TMED5: variants seen among roughly 807,000 people sequenced by gnomAD.
TMED5 encodes transmembrane emp24 domain-containing protein 5.
TMED5 carries 27 observed loss-of-function variants against 23.0 expected under a neutral mutation model. That is an observed-to-expected ratio of 1.17 (90% CI 0.86 to 1.62). TMED5 has a LOEUF of 1.62. TMED5 is among the 40% of genes most tolerant of loss of function. The pLI, the probability that TMED5 is intolerant of heterozygous loss-of-function variation, is 0.00. For synonymous variants in TMED5, 97 were observed against 100.8 expected, an observed-to-expected ratio of 0.96 and a Z score of 0.23; for missense variants, 248 against 273.7, an observed-to-expected ratio of 0.91 and a Z score of 0.66.
rs1351755925 is a variant in TMED5, at chr1:93,151,668, T to G, written c.*3002A>C. The stretch of plus-strand genomic sequence containing the variant: ...GTACCTTTTAGGAACAGTGCATGTT[T>G]AGGCAACAGGTGAATAAGTACATAT... On this transcript the variant is annotated 3_prime_UTR_variant, in exon 4 of 4. Transcript: ENST00000370282. 1 of 152,186 alleles carries G rather than the reference T, an allele frequency of 6.6e-6. No homozygotes were observed. The highest frequency in any genetic ancestry group is 2.4e-5 in the African/African-American group (1 of 41,444). The allele number at this position is 152,186 out of a possible 1,614,324, so 9.4% of individuals were successfully genotyped here.
In TMED5 at chr1:93,166,030, C is replaced by T. The variant is rs539507525; in HGVS notation, c.190-5804G>A. Among the ~76,000 whole-genome samples the T allele has an allele frequency of 5.3e-5, 8 of 152,300 alleles. No homozygotes were observed. In the South Asian group the frequency reaches 1.7e-3, roughly 32 times the overall value. ...GAACGTGATATTTGTCTTTCTGTGC[C>T]TGGCTTATTTCACTTAGCATAATGA... On this transcript the variant is annotated intron_variant, in intron 1 of 3. Coordinates refer to ENST00000370282, the MANE Select transcript of TMED5 (RefSeq NM_016040.5).
intron 1 of TMED5, among the ~76,000 whole-genome samples, chr1:93,173,264 ATGT>A (rs1648790472): frequency 1.3e-5 from 2 of 149,554 alleles, no homozygotes; most frequent in South Asian, 2.2e-4. Context: ...TAATCATTAC[ATGT>A]TGTATATATG....
chr1:93,169,886 C>CACACACACACAG (rs1553159709), intron 1 of TMED5, among the ~76,000 whole-genome samples: 1 of 148,562 alleles, frequency 6.7e-6, no homozygotes, highest in Admixed American at 6.7e-5. Context: ...TGTCTGTACA[C>CACACACACACAG]ACACACACAC....
chr1:93,158,122 C>CAAA (rs755186139), intron 2 of TMED5, among the ~76,000 whole-genome samples: 18 of 69,642 alleles, frequency 2.6e-4, no homozygotes, highest in South Asian at 5.3e-4. Flanking sequence ...GACTCCGTCT[C>CAAA]AAAAAAAAAA....
intron 1 of TMED5, among the ~76,000 whole-genome samples, chr1:93,168,907 C>T (rs1648600650): frequency 6.6e-6 from 1 of 152,150 alleles, no homozygotes; most frequent in Non-Finnish European, 1.5e-5. Flanking sequence ...CATACCAATG[C>T]TTATGTGTAT....
At chr1:93,172,345 GAT>G (rs1427039757) in intron 1 of TMED5, among the ~76,000 whole-genome samples, 1 of 152,096 alleles carries the variant, frequency 6.6e-6, no homozygotes, top group Non-Finnish European at 1.5e-5. Context: ...ACTAATAAGT[GAT>G]GATAGCCAAG....
intron 1 of TMED5, among the ~76,000 whole-genome samples, chr1:93,177,615 AC>A: frequency 4.7e-5 from 7 of 147,992 alleles, no homozygotes; most frequent in African/African-American, 1.5e-4. Context: ...AAAAAAAGGA[AC>A]AGTCCCTTTA....
chr1:93,179,148 G>A lies in TMED5; in HGVS notation c.189+906C>T, dbSNP rs983870276. 5.3e-5 allele frequency among the ~76,000 whole-genome samples: 8 copies of A among 152,186 alleles called. No homozygotes were observed. The South Asian group carries it at 1.5e-3, about 28-fold the overall frequency. ...AGGCCGAGGCGGGTGGATCGCCTGAGGTCGGGAGTTCGAGACCAGCCTGGC... is the reference window on the plus strand; with the variant it reads ...AGGCCGAGGCGGGTGGATCGCCTGAAGTCGGGAGTTCGAGACCAGCCTGGC... On this transcript the variant is annotated intron_variant, in intron 1 of 3. Transcript: ENST00000370282.
In TMED5 at chr1:93,180,213, G is replaced by A. The variant is rs376905115; in HGVS notation, c.30C>T (p.Pro10=). The A allele has an allele frequency of 3.1e-6, 5 of 1,612,486 alleles. No homozygotes were observed. The highest frequency in any genetic ancestry group is 1.3e-5 in the African/African-American group (1 of 74,818). MGDKIWLPF[P]VLLLAALPPV... The stretch of plus-strand genomic sequence containing the variant: ...GAGGCAGAGCGGCCAGAAGGAGCAC[G>A]GGGAAGGGCAGCCAGATCTTGTCGC... The change falls in exon 1 of 4, where the codon CCC becomes CCT. Residue 10 remains proline, a synonymous_variant. Coordinates refer to ENST00000370282, the MANE Select transcript of TMED5 (RefSeq NM_016040.5).
At chr1:93,170,696 T>A (rs905326556) in intron 1 of TMED5, among the ~76,000 whole-genome samples, 1 of 152,112 alleles carries the variant, frequency 6.6e-6, no homozygotes, top group Non-Finnish European at 1.5e-5. Flanking sequence ...GGGTCCTGAG[T>A]CTGGTGGGGA....
At chr1:93,164,800 A>G (rs1291777082) in intron 1 of TMED5, among the ~76,000 whole-genome samples, 1 of 152,142 alleles carries the variant, frequency 6.6e-6, no homozygotes, top group Non-Finnish European at 1.5e-5. Flanking sequence ...GCTCTCAATG[A>G]TCCCTGCCTT....
chr1:93,177,584 CAAAAAAAAAAAA>C (rs11322215), intron 1 of TMED5, among the ~76,000 whole-genome samples: 9 of 44,408 alleles, frequency 2.0e-4, no homozygotes, highest in African/African-American at 2.6e-4. Flanking sequence ...GACTCTGTCT[CAAAAAAAAAAAA>C]AAAAAAAAAA....
At chr1:93,165,899 C>T (rs1648486164) in intron 1 of TMED5, among the ~76,000 whole-genome samples, 1 of 152,138 alleles carries the variant, frequency 6.6e-6, no homozygotes, top group African/African-American at 2.4e-5. Context: ...CCTTCCCCTC[C>T]ACCCCCCAGC....
chr1:93,159,936 C>T (rs536244510), intron 2 of TMED5, among the ~76,000 whole-genome samples, 193 bp downstream of exon 2: 179 of 152,252 alleles, frequency 1.2e-3, no homozygotes, highest in African/African-American at 4.0e-3. Context: ...CAAAAGAAAA[C>T]GCTTAAACAA....
chr1:93,169,881 G>GAACACACACACACACA (rs1444886174), intron 1 of TMED5, among the ~76,000 whole-genome samples: 1 of 34,786 alleles, frequency 2.9e-5, no homozygotes, highest in African/African-American at 9.2e-5. Context: ...GACCCTGTCT[G>GAACACACACACACACA]TACACACACA....
chr1:93,160,100 A>G (rs1648215440), intron 2 of TMED5, 29 bp downstream of exon 2: 3 of 1,426,744 alleles, frequency 2.1e-6, no homozygotes, highest in Non-Finnish European at 3.0e-6. Context: ...TTATTCAGCA[A>G]TGAAACTCAA....
rs1647855714 is a variant in TMED5, at chr1:93,151,052, C to G, written c.*3618G>C. 6.6e-6 allele frequency: 1 copy of G among 152,210 alleles called. No homozygotes were observed. The highest frequency in any genetic ancestry group is 1.5e-5 in the Non-Finnish European group (1 of 68,038). The allele number at this position is 152,210 out of a possible 1,614,324, so 9.4% of individuals were successfully genotyped here. On this transcript the variant is annotated 3_prime_UTR_variant, in exon 4 of 4. Coordinates refer to ENST00000370282, the MANE Select transcript of TMED5 (RefSeq NM_016040.5). ...ATTTTCCCTGCCCTGCATTTTCTTGCCTTTTTCTTTCAGATGCAGGGATCC... is the reference window on the plus strand; with the variant it reads ...ATTTTCCCTGCCCTGCATTTTCTTGGCTTTTTCTTTCAGATGCAGGGATCC...
At chr1:93,157,827 A>C (rs1014328025) in intron 2 of TMED5, among the ~76,000 whole-genome samples, 1 of 152,222 alleles carries the variant, frequency 6.6e-6, no homozygotes, top group African/African-American at 2.4e-5. Context: ...TTTAATGTTT[A>C]AAAAACAGAT....
intron 1 of TMED5, among the ~76,000 whole-genome samples, chr1:93,170,556 C>G (rs972560984): frequency 1.3e-5 from 2 of 152,338 alleles, no homozygotes; most frequent in African/African-American, 4.8e-5. Flanking sequence ...CCGAAGAGCG[C>G]CACTCCCTGC....
Sources: allele counts gnomAD v4.1 joint callset (sites outside exome capture counted in the v4.1 genomes callset), GRCh38; gene constraint gnomAD v4.1.1; transcripts MANE v1.5; gene names NCBI Gene and HGNC (gene_info 2026-07-23, HGNC 2026-07-21).